The following INPP5B variants were observed in gnomAD, a reference collection of about 807,000 sequenced individuals.
INPP5B encodes the protein inositol polyphosphate-5-phosphatase B.
INPP5B carries 90 observed loss-of-function variants against 118.5 expected under a neutral mutation model. The observed-to-expected ratio is 0.76, with a 90% CI of 0.64 to 0.90. INPP5B has a LOEUF of 0.90. Ranked by LOEUF, INPP5B falls within the 40% of genes least tolerant of loss-of-function variation. The pLI is 0.00. For missense variants in INPP5B, 984 were observed against 1,125.6 expected, an observed-to-expected ratio of 0.87 and a Z score of 1.80; for synonymous variants, 385 against 418.9, an observed-to-expected ratio of 0.92 and a Z score of 0.99.
At chr1:37,941,937 C>CAAAAAGAAAAAA (rs1645933529) in intron 5 of INPP5B, 1 of 12,920 alleles carries the variant, frequency 7.7e-5, no homozygotes, top group Non-Finnish European at 1.8e-4. Context: ...GACTCCGTCT[C>CAAAAAGAAAAAA]AAAAAAAAAA....
chr1:37,871,484 A>G (rs1454304958), intron 19 of INPP5B, among the ~76,000 whole-genome samples: 1 of 150,348 alleles, frequency 6.7e-6, no homozygotes. Context: ...CAAAACAAAA[A>G]AGGCCAGGCG....
intron 7 of INPP5B, among the ~76,000 whole-genome samples, chr1:37,899,173 C>T (rs1644235736): frequency 1.3e-5 from 1 of 78,452 alleles, no homozygotes; most frequent in Admixed American, 1.3e-4. Context: ...AAGAGTGAAA[C>T]TGTCAAAAAA....
At chr1:37,898,829 T>C (rs902795155) in intron 7 of INPP5B, among the ~76,000 whole-genome samples, 1 of 151,954 alleles carries the variant, frequency 6.6e-6, no homozygotes, top group African/African-American at 2.4e-5. Flanking sequence ...AACCACCTCA[T>C]TGAAGGGAGT....
chr1:37,904,605 C>T (rs965154782), intron 7 of INPP5B, among the ~76,000 whole-genome samples: 3 of 152,074 alleles, frequency 2.0e-5, no homozygotes, highest in East Asian at 1.9e-4. Flanking sequence ...TGGCCAGTCA[C>T]GTTGGCTCAT....
chr1:37,880,272 A>G, intron 14 of INPP5B, 78 bp from the exon 15 acceptor site: 1 of 1,080,006 alleles, frequency 9.3e-7, no homozygotes, highest in Non-Finnish European at 1.4e-6. Context: ...AAGCATATCA[A>G]TCTGGAATTC....
intron 22 of INPP5B, 119 bp downstream of exon 22, chr1:37,865,642 G>A: frequency 8.8e-7 from 1 of 1,131,704 alleles, no homozygotes; most frequent in East Asian, 2.7e-5. Flanking sequence ...GCAGGTTTGA[G>A]AAGGAAAGAT....
At chr1:37,880,266 A>G in intron 14 of INPP5B, 72 bp from the exon 15 acceptor site, 3 of 1,122,000 alleles carry the variant, frequency 2.7e-6, no homozygotes, top group Non-Finnish European at 2.7e-6. Flanking sequence ...GGAGAAAAGC[A>G]TATCAATCTG....
chr1:37,911,477 T>C (rs1214829662), intron 7 of INPP5B, among the ~76,000 whole-genome samples: 1 of 152,194 alleles, frequency 6.6e-6, no homozygotes, highest in African/African-American at 2.4e-5. Context: ...ACTTGGTTTA[T>C]TGATGGCAGT....
intron 7 of INPP5B, among the ~76,000 whole-genome samples, chr1:37,919,755 A>G (rs1644990037): frequency 6.6e-6 from 1 of 152,126 alleles, no homozygotes; most frequent in African/African-American, 2.4e-5. Context: ...CCTGGCCAAA[A>G]TGGCGAAACC....
rs369532196 is a variant in INPP5B, at chr1:37,865,877, G to A, written c.2398C>T (p.His800Tyr). Reference sequence around the variant, plus strand: ...AGCAGCAGGGCTTCGGCTACAGAATGATTGCTGGCAGCTTTTGGCCCCATT... The same window carrying A: ...AGCAGCAGGGCTTCGGCTACAGAATAATTGCTGGCAGCTTTTGGCCCCATT... ...GMIDNLSASN[H>Y]SVAEALLLFL... Residue 800 changes from histidine (H) to tyrosine (Y), a missense_variant, in exon 22 of 24, where the codon CAT becomes TAT. His to Tyr is a moderately conservative substitution (Grantham distance 83). This residue lies in a region of INPP5B where 634 missense variants were observed against 791.0 expected (regional missense o/e 0.80). Coordinates refer to ENST00000373024, the MANE Select transcript of INPP5B (RefSeq NM_005540.3). The A allele has an allele frequency of 6.8e-6, 11 of 1,613,080 alleles. No individual in the cohort carries two copies. The highest frequency in any genetic ancestry group is 1.3e-5 in the African/African-American group (1 of 74,910).
chr1:37,920,333 G>A (rs946900091), intron 7 of INPP5B, among the ~76,000 whole-genome samples: 6 of 152,172 alleles, frequency 3.9e-5, no homozygotes, highest in African/African-American at 1.4e-4. Flanking sequence ...GGATAAATAA[G>A]TAGGGAAAAG....
chr1:37,935,235 A>G (rs1408746790), intron 6 of INPP5B, among the ~76,000 whole-genome samples: 1 of 119,300 alleles, frequency 8.4e-6, no homozygotes, highest in South Asian at 3.4e-4. Flanking sequence ...TCTGTCGCCC[A>G]GGCTGGAGTG....
intron 16 of INPP5B, among the ~76,000 whole-genome samples, chr1:37,877,493 ATAAACT>A (rs1209390923): frequency 5.9e-5 from 9 of 152,248 alleles, no homozygotes; most frequent in Non-Finnish European, 5.9e-5. Flanking sequence ...GTATGGGAAA[ATAAACT>A]TATACATGGT....
chr1:37,883,837 G>A lies in INPP5B; in HGVS notation c.1320-919C>T. 2.0e-6 allele frequency: 2 copies of A among 985,420 alleles called. 1 individual carries two copies. Among genetic ancestry groups the A allele is most frequent in the South Asian group, 9.4e-5 (2 of 21,280 alleles). 61.0% of individuals were successfully genotyped at this position (985,420 alleles called of 1,614,324 possible). ...AGGCGTTAACTCTGTTTACTCCTTG[G>A]CAGATATCACGGCCCCAGTGGCTTC... On this transcript the variant is annotated intron_variant, in intron 13 of 23. Transcript: ENST00000373024.
intron 3 of INPP5B, among the ~76,000 whole-genome samples, chr1:37,944,255 TG>T (rs2148702641): frequency 6.6e-6 from 1 of 152,238 alleles, no homozygotes; most frequent in South Asian, 2.1e-4. Flanking sequence ...ACTGGGGTGA[TG>T]GATCAGAAAA....
chr1:37,869,974 G>C (rs961362475), intron 19 of INPP5B: 5 of 151,634 alleles, frequency 3.3e-5, no homozygotes, highest in Admixed American at 2.0e-4. Flanking sequence ...GTCTCCATAG[G>C]AATCTTTTAG....
At chr1:37,863,114 C>T (rs191460966) in intron 23 of INPP5B, among the ~76,000 whole-genome samples, 33 of 152,174 alleles carry the variant, frequency 2.2e-4, no homozygotes, top group African/African-American at 7.2e-4. Flanking sequence ...GGCCCGGTGG[C>T]CCCTGTCCAA....
chr1:37,877,256 C>T (rs555696238), intron 16 of INPP5B, among the ~76,000 whole-genome samples: 9 of 149,970 alleles, frequency 6.0e-5, no homozygotes, highest in Admixed American at 4.0e-4. Flanking sequence ...GCAGGAGAAT[C>T]GCTTGAACCC....
chr1:37,946,034 G>T (rs1646098871), intron 2 of INPP5B, among the ~76,000 whole-genome samples, 184 bp from the exon 3 acceptor site: 1 of 152,346 alleles, frequency 6.6e-6, no homozygotes, highest in East Asian at 1.9e-4. Context: ...ATGAAATGAG[G>T]ATAATAATCC....
Sources: allele counts gnomAD v4.1 joint callset (sites outside exome capture counted in the v4.1 genomes callset), GRCh38; gene constraint gnomAD v4.1.1; regional missense constraint gnomAD v4.1.1; transcripts MANE v1.5; gene names NCBI Gene and HGNC (gene_info 2026-07-23, HGNC 2026-07-21).